Variants in EHBP1 observed in about 807,000 individuals in gnomAD.
EHBP1 encodes EH domain-binding protein 1.
In EHBP1, 55 loss-of-function variants were observed where a neutral mutation model predicts 144.0. That is an observed-to-expected ratio of 0.38 (90% CI 0.31 to 0.48). The LOEUF is 0.48. Among genes scored for constraint, EHBP1 ranks in the 20% least tolerant of loss-of-function variants. The pLI, the probability that EHBP1 is intolerant of heterozygous loss-of-function variation, is 0.98. For missense variants in EHBP1, 1,200 were observed against 1,364.2 expected (o/e 0.88, Z 1.90); for synonymous variants, 469 against 472.7 (o/e 0.99, Z 0.10).
chr2:62,725,997 G>GT (rs2036752915), intron 2 of EHBP1, among the ~76,000 whole-genome samples: 1 of 152,076 alleles, frequency 6.6e-6, no homozygotes, highest in South Asian at 2.1e-4. Context: ...AGGACCCAGG[G>GT]AGAGGCCAGC....
intron 18 of EHBP1, among the ~76,000 whole-genome samples, chr2:62,995,501 T>C (rs977622902): frequency 6.6e-6 from 1 of 152,116 alleles, no homozygotes; most frequent in East Asian, 1.9e-4. Context: ...TTTATTTTAT[T>C]TCCTGTTTAA....
At chr2:62,839,522 T>C (rs2047610118) in intron 7 of EHBP1, among the ~76,000 whole-genome samples, 2 of 148,928 alleles carry the variant, frequency 1.3e-5, no homozygotes, top group Admixed American at 6.7e-5. Flanking sequence ...AAATAAAGGG[T>C]ATTCAATTAG....
intron 7 of EHBP1, among the ~76,000 whole-genome samples, chr2:62,841,457 A>C (rs889252114): frequency 6.6e-6 from 1 of 151,844 alleles, no homozygotes; most frequent in Non-Finnish European, 1.5e-5. Flanking sequence ...AACCTGCACA[A>C]TGTGCACATG....
chr2:62,850,856 T>C (rs1381252228), intron 7 of EHBP1, among the ~76,000 whole-genome samples: 3 of 152,118 alleles, frequency 2.0e-5, no homozygotes, highest in Non-Finnish European at 4.4e-5. Context: ...AGACAAGTAC[T>C]TTTTTTAGAA....
At chr2:62,913,345 C>T (rs1266048728) in intron 10 of EHBP1, among the ~76,000 whole-genome samples, 1 of 152,116 alleles carries the variant, frequency 6.6e-6, no homozygotes, top group Non-Finnish European at 1.5e-5. Flanking sequence ...CATTATATCT[C>T]ATATTGAAGT....
At chr2:62,940,551 T>C (rs558521762) in intron 10 of EHBP1, among the ~76,000 whole-genome samples, 1 of 152,318 alleles carries the variant, frequency 6.6e-6, no homozygotes, top group African/African-American at 2.4e-5. Flanking sequence ...CAACAAACAG[T>C]TTCATCCAAT....
At chr2:62,874,676 T>C (rs1027621900) in intron 10 of EHBP1, 144 bp downstream of exon 10, 1 of 652,012 alleles carries the variant, frequency 1.5e-6, no homozygotes, top group South Asian at 2.7e-5. Flanking sequence ...ACTGCAACAC[T>C]GCATTTATGT....
At chr2:62,748,960 TAC>T (rs1468824685) in intron 3 of EHBP1, among the ~76,000 whole-genome samples, 1 of 152,162 alleles carries the variant, frequency 6.6e-6, no homozygotes, top group Non-Finnish European at 1.5e-5. Flanking sequence ...TCTGTAAAGA[TAC>T]AGACTGTTTT....
At chr2:62,915,145 C>G (rs1445524640) in intron 10 of EHBP1, among the ~76,000 whole-genome samples, 1 of 151,790 alleles carries the variant, frequency 6.6e-6, no homozygotes, top group Non-Finnish European at 1.5e-5. Context: ...TTTAAAAATT[C>G]ACATTGGTAT....
rs550680218 is a variant in EHBP1 at position 62,720,593 on chromosome 2, A to G, written c.104+13298A>G. 2.0e-5 allele frequency among the ~76,000 whole-genome samples: 3 copies of G among 152,350 alleles called. No homozygotes were observed. The East Asian group carries it at 5.8e-4, about 29-fold the overall frequency. On this transcript the variant is annotated intron_variant, in intron 2 of 22. Transcript: ENST00000431489. The stretch of plus-strand genomic sequence containing the variant: ...ATGCAATAAGTGGGTCTAGATATCA[A>G]GTTTAATGGTTCAGCTTTAATTTGA...
chr2:62,951,736 G>A (rs1331047637), intron 13 of EHBP1, among the ~76,000 whole-genome samples: 2 of 151,934 alleles, frequency 1.3e-5, no homozygotes, highest in African/African-American at 4.8e-5. Flanking sequence ...CATTGGCCAG[G>A]CTGGTCTCGA....
At chr2:62,720,145 T>C (rs1015230121) in intron 2 of EHBP1, among the ~76,000 whole-genome samples, 2 of 152,172 alleles carry the variant, frequency 1.3e-5, no homozygotes, top group African/African-American at 4.8e-5. Context: ...CTTAAGTTGT[T>C]TGGACCTGAC....
Position 62,889,047 on chromosome 2 carries a change from C to CTTTTTTTTTT in EHBP1, c.1185+14540_1185+14549dup, listed in dbSNP as rs71410971. 3.5e-4 allele frequency among the ~76,000 whole-genome samples: 14 copies of CTTTTTTTTTT among 39,726 alleles called. 4 individuals are homozygous for CTTTTTTTTTT. Among genetic ancestry groups the CTTTTTTTTTT allele is most frequent in the Non-Finnish European group, 5.2e-4 (12 of 23,100 alleles). 26.1% of individuals were successfully genotyped at this position (39,726 alleles called of 152,430 possible). On this transcript the variant is annotated intron_variant, in intron 10 of 22. Transcript: ENST00000431489. ...TCATAAATTTTGGCAGTAGGTACCTCTTTTTTTTTTTTTTTTTTTTTTTTT... is the reference window on the plus strand; with the variant it reads ...TCATAAATTTTGGCAGTAGGTACCTCTTTTTTTTTTTTTTTTTTTTTTTTTTTTTTTTTTT...
At chr2:62,826,297 T>TTAC (rs2046342237) in intron 6 of EHBP1, 29 bp downstream of exon 6, 1 of 1,557,228 alleles carries the variant, frequency 6.4e-7, no homozygotes, top group East Asian at 2.3e-5. Context: ...ATAAGCTTCC[T>TTAC]TACATTGTGT....
chr2:63,037,331 G>C (rs1021812752), intron 19 of EHBP1, among the ~76,000 whole-genome samples: 3 of 151,944 alleles, frequency 2.0e-5, no homozygotes, highest in Non-Finnish European at 4.4e-5. Flanking sequence ...TGTTCACGGA[G>C]AGTAAAATAT....
chr2:62,739,950 A>G (rs565268773), intron 2 of EHBP1, among the ~76,000 whole-genome samples: 191 of 151,758 alleles, frequency 1.3e-3, no homozygotes, highest in Middle Eastern at 3.4e-3. Flanking sequence ...AAAAAAAAAA[A>G]AAAGAAAAAT....
At chr2:62,745,095 C>T (rs2039028331) in intron 2 of EHBP1, among the ~76,000 whole-genome samples, 1 of 152,072 alleles carries the variant, frequency 6.6e-6, no homozygotes, top group Admixed American at 6.6e-5. Context: ...TAGCTACTGG[C>T]TTCAGTTGGA....
In EHBP1 at chr2:62,948,692, A is replaced by G. The variant is rs1260818302; in HGVS notation, c.1846A>G (p.Thr616Ala). Residue 616 changes from threonine (T) to alanine (A), a missense_variant, in exon 13 of 23, where the codon ACA (threonine) becomes GCA (alanine). Thr to Ala is a moderately conservative substitution (Grantham distance 58). This residue lies in a region of EHBP1 where 543 missense variants were observed against 513.1 expected (regional missense o/e 1.06). Coordinates refer to ENST00000431489, the MANE Select transcript of EHBP1 (RefSeq NM_001142616.3). ...TTACTGTCGCAGGACTAAAAGTGAC[A>G]CAGAACCCCAGAAGTCTCAGCAGAG... ...SPYCRRTKSD[T>A]EPQKSQQSSG... is the part of the protein sequence containing the mutation. 1 of 1,614,078 alleles carries G rather than the reference A, an allele frequency of 6.2e-7. No individual in the cohort carries two copies. The highest frequency in any genetic ancestry group is 8.5e-7 in the Non-Finnish European group (1 of 1,179,990).
intron 5 of EHBP1, among the ~76,000 whole-genome samples, chr2:62,776,290 T>C (rs1158618992): frequency 6.6e-6 from 1 of 152,234 alleles, no homozygotes. Context: ...GAGGTGGTTC[T>C]GCCACTTACT....
Sources: gnomAD v4.1 joint callset for allele counts (sites outside exome capture counted in the v4.1 genomes callset) on GRCh38, gnomAD v4.1.1 for gene constraint, gnomAD v4.1.1 regional missense constraint, MANE v1.5 for transcripts, NCBI Gene and HGNC (gene_info 2026-07-23, HGNC 2026-07-21) for gene names.